DMD: variants seen among roughly 807,000 people sequenced by gnomAD.
DMD encodes mutant dystrophin.
A neutral mutation model predicts 330.1 loss-of-function variants in DMD; 63 were observed. The ratio of observed to expected loss-of-function variants is 0.19; its 90% CI spans 0.16 to 0.24. DMD has a LOEUF of 0.24. DMD is among the 10% of genes least tolerant of loss of function. The pLI is 1.00. For missense variants in DMD, 3,344 were observed against 2,684.1 expected (o/e 1.25, Z -5.43); for synonymous variants, 1,223 against 959.8 (o/e 1.27, Z -5.07).
intron 44 of DMD, among the ~76,000 whole-genome samples, chrX:32,109,450 T>G (rs1488177874): frequency 9.0e-6 from 1 of 111,341 alleles, no homozygotes; most frequent in Non-Finnish European, 1.9e-5. Context: ...ATTCACCCGA[T>G]ACTTTTATTT....
chrX:33,203,320 TGA>T (rs2051386153), intron 1 of DMD, among the ~76,000 whole-genome samples: 3 of 112,299 alleles, frequency 2.7e-5, no homozygotes, highest in African/African-American at 9.7e-5. Context: ...TGTTTTACAC[TGA>T]AGGCTCATTT....
intron 21 of DMD, among the ~76,000 whole-genome samples, chrX:32,479,687 CTA>C (rs767131281): frequency 2.8e-5 from 3 of 108,738 alleles, no homozygotes; most frequent in African/African-American, 6.7e-5. Context: ...ATATTTATCA[CTA>C]TATATATATG....
intron 54 of DMD, among the ~76,000 whole-genome samples, chrX:31,638,539 A>G (rs748456208): frequency 4.4e-5 from 5 of 112,568 alleles, no homozygotes; most frequent in African/African-American, 1.6e-4. Context: ...TCTAGCCAGT[A>G]TTTCTCCAAC....
At chrX:33,025,856 G>A (rs148932914) in intron 1 of DMD, among the ~76,000 whole-genome samples, 1 of 111,686 alleles carries the variant, frequency 9.0e-6, no homozygotes, top group African/African-American at 3.3e-5. Flanking sequence ...ACCACATTCG[G>A]CCTAGAAAAA....
intron 7 of DMD, among the ~76,000 whole-genome samples, chrX:32,791,810 C>T (rs1569522970): frequency 9.0e-6 from 1 of 111,697 alleles, no homozygotes; most frequent in East Asian, 2.8e-4. Context: ...GGTTTAGAAA[C>T]CCTATTTAAC....
rs57730410 is a variant in DMD, at chrX:32,580,011, C to CT, written c.1603-6166dup. 8.0e-3 allele frequency among the ~76,000 whole-genome samples: 729 copies of CT among 91,077 alleles called. 12 individuals carry two copies. The highest frequency in any genetic ancestry group is 0.057 in the East Asian group (159 of 2,766). The allele number at this position is 91,077 out of a possible 115,157, so 79.1% of individuals were successfully genotyped here. ...TTCTTTGCAGGATATTATTTAATGT[C>CT]TTTTTTTTTTTTTTTTGGCAGCTTA... On this transcript the variant is annotated intron_variant, in intron 13 of 78. Coordinates refer to ENST00000357033, the MANE Select transcript of DMD (RefSeq NM_004006.3).
At chrX:31,378,435 C>T (rs1020937595) in intron 60 of DMD, among the ~76,000 whole-genome samples, 2 of 111,664 alleles carry the variant, frequency 1.8e-5, no homozygotes, top group Non-Finnish European at 3.8e-5. Flanking sequence ...CAGTTCCTTT[C>T]CTTTTCTGGT....
intron 43 of DMD, among the ~76,000 whole-genome samples, chrX:32,268,723 T>G (rs970608531): frequency 8.9e-5 from 10 of 111,968 alleles, no homozygotes; most frequent in African/African-American, 2.9e-4. Flanking sequence ...ATGGCTAGTT[T>G]GACACTCTAC....
At chrX:31,240,344 C>T (rs139750409) in intron 63 of DMD, among the ~76,000 whole-genome samples, 1,311 of 111,942 alleles carry the variant, frequency 0.012, 21 homozygotes, top group African/African-American at 0.041. Context: ...CAGAAGCAAA[C>T]ATAAAAACTA....
At chrX:32,190,468 A>G (rs1306674230) in intron 44 of DMD, among the ~76,000 whole-genome samples, 1 of 103,602 alleles carries the variant, frequency 9.7e-6, no homozygotes, top group East Asian at 3.0e-4. Context: ...TTAAAGTTTT[A>G]TAGTGTATAC....
intron 42 of DMD, among the ~76,000 whole-genome samples, chrX:32,297,250 T>TATTTATTC (rs2097501105): frequency 9.7e-6 from 1 of 102,675 alleles, no homozygotes; most frequent in Admixed American, 1.0e-4. Flanking sequence ...TTTATTTATT[T>TATTTATTC]ATTTATTTAT....
intron 51 of DMD, among the ~76,000 whole-genome samples, chrX:31,735,353 C>A (rs1388853364): frequency 9.0e-6 from 1 of 111,370 alleles, no homozygotes; most frequent in Non-Finnish European, 1.9e-5. Flanking sequence ...TGTCTGGGTA[C>A]ATATAACCTC....
At chrX:31,984,371 A>T (rs1270345192) in intron 44 of DMD, among the ~76,000 whole-genome samples, 1 of 112,374 alleles carries the variant, frequency 8.9e-6, no homozygotes, top group Non-Finnish European at 1.9e-5. Context: ...ATGATTCTTG[A>T]TAATGTATTT....
chrX:32,326,399 G>A (rs978800741), intron 41 of DMD, among the ~76,000 whole-genome samples: 1 of 112,224 alleles, frequency 8.9e-6, no homozygotes, highest in Non-Finnish European at 1.9e-5. Context: ...ATTTTGCTAA[G>A]TAACTTAATA....
intron 44 of DMD, among the ~76,000 whole-genome samples, chrX:32,035,847 A>G (rs1225285149): frequency 9.0e-6 from 1 of 111,578 alleles, no homozygotes; most frequent in Non-Finnish European, 1.9e-5. Context: ...AACGAAAAAA[A>G]CAACAGGGAA....
intron 44 of DMD, chrX:32,206,372 AGAT>A (rs2097069199): frequency 5.9e-6 from 3 of 509,082 alleles, no homozygotes; most frequent in Non-Finnish European, 1.1e-5. Context: ...CTGCTGATGA[AGAT>A]GATGATTTTG....
chrX:32,679,341 T>TC (rs2062202430), intron 9 of DMD, among the ~76,000 whole-genome samples: 1 of 111,438 alleles, frequency 9.0e-6, no homozygotes. Context: ...GTTTTGGTTT[T>TC]TTTTTTTGTG....
rs754427438 is a variant in DMD, at chrX:31,399,351, C to A, written c.9084+45130G>T. Among the ~76,000 whole-genome samples, 4 of 102,659 alleles carry A rather than the reference C, an allele frequency of 3.9e-5. No homozygotes were observed. In the East Asian group the frequency reaches 9.5e-4, roughly 24 times the overall value. The allele number at this position is 102,659 out of a possible 115,157, so 89.1% of individuals were successfully genotyped here. On this transcript the variant is annotated intron_variant, in intron 60 of 78. Coordinates refer to ENST00000357033, the MANE Select transcript of DMD (RefSeq NM_004006.3). Reference sequence around the variant, plus strand: ...GTCCCTCTAAAGTCAAGCCGCTTCTCTTTGATGTCCAACTGTAGTTTCTGA... The same window carrying A: ...GTCCCTCTAAAGTCAAGCCGCTTCTATTTGATGTCCAACTGTAGTTTCTGA...
chrX:32,473,754 C>G (rs2040906149), intron 21 of DMD, among the ~76,000 whole-genome samples: 1 of 111,284 alleles, frequency 9.0e-6, no homozygotes, highest in African/African-American at 3.3e-5. Context: ...CTTCTGATTT[C>G]TTATTAAAAG....
Sources: gnomAD v4.1 joint callset for allele counts (sites outside exome capture counted in the v4.1 genomes callset) on GRCh38, gnomAD v4.1.1 for gene constraint, MANE v1.5 for transcripts, NCBI Gene and HGNC (gene_info 2026-07-23, HGNC 2026-07-21) for gene names.